ZMIZ2: variants seen among roughly 807,000 people sequenced by gnomAD.
ZMIZ2 encodes the protein zinc finger MIZ domain-containing protein 2.
ZMIZ2 carries 26 observed loss-of-function variants against 93.9 expected under a neutral mutation model. The observed-to-expected ratio is 0.28, with a 90% CI of 0.20 to 0.38. ZMIZ2 has a LOEUF of 0.38. Among genes scored for constraint, ZMIZ2 ranks in the 10% least tolerant of loss-of-function variants. The pLI, the probability that ZMIZ2 is intolerant of heterozygous loss-of-function variation, is 1.00. For synonymous variants in ZMIZ2, 485 were observed against 516.4 expected (o/e 0.94, Z 0.82); for missense variants, 1,023 against 1,235.0 (o/e 0.83, Z 2.57).
intron 5 of ZMIZ2, 115 bp downstream of exon 5, chr7:44,757,676 A>G (rs1477441649): frequency 1.4e-6 from 2 of 1,437,850 alleles, no homozygotes; most frequent in Non-Finnish European, 1.8e-6. Flanking sequence ...GGGCTCATGA[A>G]GCCAGTAAAA....
At chr7:44,759,882 TCCCTGGGA>T in intron 7 of ZMIZ2, 1 of 535,552 alleles carries the variant, frequency 1.9e-6, no homozygotes, top group East Asian at 3.4e-5. Context: ...AGAGCCTACC[TCCCTGGGA>T]GCCTGGGTGC....
chr7:44,762,053 G>C, intron 11 of ZMIZ2, 148 bp downstream of exon 11: 1 of 1,061,718 alleles, frequency 9.4e-7, no homozygotes, highest in Non-Finnish European at 1.3e-6. Flanking sequence ...TGGGCGGGCC[G>C]GCCTGCAGCA....
At chr7:44,749,034 AGGCAGGTGTGGGCC>A (rs1192955100) in intron 1 of ZMIZ2, 43 bp downstream of exon 1, 2 of 151,876 alleles carry the variant, frequency 1.3e-5, no homozygotes, top group African/African-American at 4.9e-5. Context: ...CGCCGCCAGC[AGGCAGGTGTGGGCC>A]GGCGGGGGCA....
Position 44,766,859 on chromosome 7 carries a change from GT to G in ZMIZ2, c.2655+198del, listed in dbSNP as rs1219985073. Among the ~76,000 whole-genome samples the G allele has an allele frequency of 6.6e-6, 1 of 152,174 alleles. No individual in the cohort carries two copies. Among genetic ancestry groups the G allele is most frequent in the Non-Finnish European group, 1.5e-5 (1 of 68,028 alleles). The stretch of plus-strand genomic sequence containing the variant: ...GTGGGATGCGATGTACCACATTTGT[GT>G]TCATGAGGGGCCTGGATGCCGTACG... On this transcript the variant is annotated intron_variant, in intron 18 of 18. Coordinates refer to ENST00000309315, the MANE Select transcript of ZMIZ2 (RefSeq NM_031449.4). This position sits in a 1 kb window ranked among gnomAD's most constrained non-coding sequence, Gnocchi z 4.4.
rs922308468 is a variant in ZMIZ2, at chr7:44,761,248, G to A, written c.1241-201G>A. The stretch of plus-strand genomic sequence containing the variant: ...GCAAGACAGAACATCACGACCGAAT[G>A]CCCAGGCCTCAGGAGAGATGCTGCC... On this transcript the variant is annotated intron_variant, in intron 9 of 18. Transcript: ENST00000309315. This position sits in a 1 kb window ranked among gnomAD's most constrained non-coding sequence, Gnocchi z 5.8. 6.6e-6 allele frequency among the ~76,000 whole-genome samples: 1 copy of A among 152,232 alleles called. No individual in the cohort carries two copies. The highest frequency in any genetic ancestry group is 6.5e-5 in the Admixed American group (1 of 15,288).
intron 7 of ZMIZ2, 34 bp from the exon 8 acceptor site, chr7:44,760,117 G>C (rs200992806): frequency 7.4e-6 from 12 of 1,613,620 alleles, no homozygotes; most frequent in East Asian, 2.2e-5. Flanking sequence ...GGTCAGGTTG[G>C]AGCCCCAGGT....
In ZMIZ2 at chr7:44,767,938, TCA is replaced by T; in HGVS notation, c.*318_*319del. On this transcript the variant is annotated 3_prime_UTR_variant, in exon 19 of 19. Transcript: ENST00000309315. ...ACACACACATCTCACGCCCCTGGTCTCACAGCCTCACACCTTGTCCTTCCACC... is the reference window on the plus strand; with the variant it reads ...ACACACACATCTCACGCCCCTGGTCTCAGCCTCACACCTTGTCCTTCCACC... The T allele has an allele frequency of 2.3e-6, 1 of 434,102 alleles. No individual in the cohort carries two copies. Among genetic ancestry groups the T allele is most frequent in the Non-Finnish European group, 4.3e-6 (1 of 231,846 alleles). The allele number at this position is 434,102 out of a possible 1,614,324, so 26.9% of individuals were successfully genotyped here. A position where few individuals can be genotyped will look rare whatever the true frequency, so the allele number is the denominator to read the frequency against.
intron 1 of ZMIZ2, among the ~76,000 whole-genome samples, 200 bp downstream of exon 1, chr7:44,749,191 C>T (rs1789909688): frequency 6.6e-6 from 1 of 152,150 alleles, no homozygotes; most frequent in African/African-American, 2.4e-5. Context: ...GCTCTGCCGC[C>T]CACCTGCCGG....
chr7:44,766,619 C>T lies in ZMIZ2; in HGVS notation c.2611C>T (p.Pro871Ser). The stretch of plus-strand genomic sequence containing the variant: ...TCCTGCCACAGGCGTGATGGGGCCC[C>T]CCAGCATGTCTGGAGCCGGGGAGGC... ...FSPATGVMGP[P>S]SMSGAGEAPE... Residue 871 changes from proline to serine, a missense_variant, in exon 18 of 19, where the codon CCC becomes TCC. Around this residue, in one of 3 missense-constraint regions of ZMIZ2, gnomAD observed 319 missense variants for 358.8 expected, o/e 0.89. Transcript: ENST00000309315. This position sits in a 1 kb window ranked among gnomAD's most constrained non-coding sequence, Gnocchi z 4.4. 6.2e-7 allele frequency: 1 copy of T among 1,613,372 alleles called. No individual in the cohort carries two copies. The highest frequency in any genetic ancestry group is 1.7e-5 in the Admixed American group (1 of 60,028).
chr7:44,756,621 G>A (rs1790617380), intron 3 of ZMIZ2, 82 bp downstream of exon 3: 11 of 1,438,484 alleles, frequency 7.6e-6, no homozygotes, highest in Non-Finnish European at 1.1e-5. Context: ...TCAGAGCTCT[G>A]AGAGACGAAG....
chr7:44,759,372 CCCCTT>C lies in ZMIZ2; in HGVS notation c.908_912del (p.Pro303LeufsTer27). 1 of 1,605,362 alleles carries C rather than the reference CCCCTT, an allele frequency of 6.2e-7. No homozygotes were observed. Among genetic ancestry groups the C allele is most frequent in the Non-Finnish European group, 8.5e-7 (1 of 1,176,186 alleles). On this transcript the variant is annotated frameshift_variant, in exon 7 of 19. Transcript: ENST00000309315. LOFTEE classifies it high-confidence loss of function. ...AGCCCTGGGCAGCCCCCTGCCCCCTCCCCTTCCTACCCTGGGCACAGGCTGCCCCT... is the reference window on the plus strand; with the variant it reads ...AGCCCTGGGCAGCCCCCTGCCCCCTCCCTACCCTGGGCACAGGCTGCCCCT...
At chr7:44,753,816 T>C (rs1287374903) in intron 1 of ZMIZ2, among the ~76,000 whole-genome samples, 6 of 152,220 alleles carry the variant, frequency 3.9e-5, no homozygotes, top group Admixed American at 3.9e-4. Flanking sequence ...TACAGTTAAA[T>C]CTATAAACCA....
Position 44,765,750 on chromosome 7 carries a change from G to A in ZMIZ2, c.2242+171G>A. On this transcript the variant is annotated intron_variant, in intron 16 of 18. Transcript: ENST00000309315. This position sits in a 1 kb window ranked among gnomAD's most constrained non-coding sequence, Gnocchi z 4.1. ...GCACCTCCAGCCCCTCCCATCTCAG[G>A]GACGTGGCGGTGAAGGCACAGTCTC... The A allele has an allele frequency of 9.0e-7, 1 of 1,114,538 alleles. No individual in the cohort carries two copies. The highest frequency in any genetic ancestry group is 1.2e-6 in the Non-Finnish European group (1 of 804,582). 69.0% of individuals were successfully genotyped at this position (1,114,538 alleles called of 1,614,324 possible).
At position 44,761,975 on chromosome 7, in the gene ZMIZ2, T is replaced by C. The variant is rs1466999304; in HGVS notation, c.1596+70T>C. On this transcript the variant is annotated intron_variant, in intron 11 of 18. Transcript: ENST00000309315. This position sits in a 1 kb window ranked among gnomAD's most constrained non-coding sequence, Gnocchi z 5.8. The stretch of plus-strand genomic sequence containing the variant: ...GGTGTGGTGGGGCCTGGCCCAGCGG[T>C]GCCGTGGGGTGGGGCGGGGTGTGGG... 1.2e-4 allele frequency: 36 copies of C among 294,298 alleles called. No individual in the cohort carries two copies. Among genetic ancestry groups the C allele is most frequent in the Non-Finnish European group, 2.1e-4 (35 of 162,998 alleles). 18.2% of individuals were successfully genotyped at this position (294,298 alleles called of 1,614,324 possible).
Position 44,767,630 on chromosome 7 carries a change from GTT to G in ZMIZ2, c.*9_*10del. ...TCTGTTTGAGAACAACTGATCCTGT[GTT>G]TACCCCAAGCCCGGCGGGGACACGC... On this transcript the variant is annotated 3_prime_UTR_variant, in exon 19 of 19. Coordinates refer to ENST00000309315, the MANE Select transcript of ZMIZ2 (RefSeq NM_031449.4). The G allele has an allele frequency of 6.2e-7, 1 of 1,613,324 alleles. No individual in the cohort carries two copies. Among genetic ancestry groups the G allele is most frequent in the Non-Finnish European group, 8.5e-7 (1 of 1,179,328 alleles).
rs1791140823 is a variant in ZMIZ2 at position 44,761,229 on chromosome 7, C to T, written c.1241-220C>T. Among the ~76,000 whole-genome samples, 1 of 152,220 alleles carries T rather than the reference C, an allele frequency of 6.6e-6. No individual in the cohort carries two copies. Among genetic ancestry groups the T allele is most frequent in the South Asian group, 2.1e-4 (1 of 4,834 alleles). On this transcript the variant is annotated intron_variant, in intron 9 of 18. Coordinates refer to ENST00000309315, the MANE Select transcript of ZMIZ2 (RefSeq NM_031449.4). This position sits in a 1 kb window ranked among gnomAD's most constrained non-coding sequence, Gnocchi z 5.8. ...TGGACTGCTGAGGCAGGAGGCAAGA[C>T]AGAACATCACGACCGAATGCCCAGG...
Position 44,761,084 on chromosome 7 carries a change from T to C in ZMIZ2, c.1241-365T>C, listed in dbSNP as rs1026444783. 1.3e-5 allele frequency among the ~76,000 whole-genome samples: 2 copies of C among 152,134 alleles called. No individual in the cohort carries two copies. Among genetic ancestry groups the C allele is most frequent in the East Asian group, 1.9e-4 (1 of 5,188 alleles). ...GATCGTAGAACTCTAAACAGAGCTA[T>C]AGGGCAATTGCAGGAGGCTCTCACA... On this transcript the variant is annotated intron_variant, in intron 9 of 18. Coordinates refer to ENST00000309315, the MANE Select transcript of ZMIZ2 (RefSeq NM_031449.4). This position sits in a 1 kb window ranked among gnomAD's most constrained non-coding sequence, Gnocchi z 5.8.
chr7:44,765,231 G>A lies in ZMIZ2; in HGVS notation c.1998-104G>A. On this transcript the variant is annotated intron_variant, in intron 15 of 18. Transcript: ENST00000309315. This position sits in a 1 kb window ranked among gnomAD's most constrained non-coding sequence, Gnocchi z 4.1. ...AGGTGCTGGGTGGAAGCAAGCATTT[G>A]AGTGGGGGAACCTGCCTGGAAACAG... 2 of 1,561,948 alleles carry A rather than the reference G, an allele frequency of 1.3e-6. No individual in the cohort carries two copies. The highest frequency in any genetic ancestry group is 1.7e-6 in the Non-Finnish European group (2 of 1,154,678).
Position 44,760,230 on chromosome 7 carries a change from T to A in ZMIZ2, c.1071+2T>A. ...TACAGCCAACCTGGCCTGAGTGGGG[T>A]AGGGGGCCTGGCCGGGAGGATGGGC... On this transcript the variant is annotated splice_donor_variant, in intron 8 of 18. Coordinates refer to ENST00000309315, the MANE Select transcript of ZMIZ2 (RefSeq NM_031449.4). LOFTEE classifies it high-confidence loss of function. The A allele has an allele frequency of 6.2e-7, 1 of 1,610,718 alleles. No homozygotes were observed. Among genetic ancestry groups the A allele is most frequent in the South Asian group, 1.1e-5 (1 of 90,852 alleles).
Sources: gnomAD v4.1 joint callset for allele counts (sites outside exome capture counted in the v4.1 genomes callset) on GRCh38, gnomAD v4.1.1 for gene constraint, gnomAD v4.1.1 regional missense constraint, Gnocchi (gnomAD v3.1) non-coding constraint, MANE v1.5 for transcripts, NCBI Gene and HGNC (gene_info 2026-07-23, HGNC 2026-07-21) for gene names.